Variants in PCDHGA2 observed in about 807,000 individuals in gnomAD.
PCDHGA2 encodes the protein protocadherin gamma-A2.
PCDHGA2 carries 40 observed loss-of-function variants against 59.2 expected under a neutral mutation model. The observed-to-expected ratio is 0.68, with a 90% CI of 0.52 to 0.88. The LOEUF (loss-of-function observed/expected upper bound fraction) is 0.88, where lower values mean the gene tolerates loss of function less well. Ranked by LOEUF, PCDHGA2 falls within the 40% of genes least tolerant of loss-of-function variation. PCDHGA2 has a pLI of 0.00. For synonymous variants in PCDHGA2, 560 were observed against 526.0 expected, an observed-to-expected ratio of 1.06 and a Z score of -0.89; for missense variants, 1,226 against 1,204.0, an observed-to-expected ratio of 1.02 and a Z score of -0.27.
intron 1 of PCDHGA2, among the ~76,000 whole-genome samples, chr5:141,405,721 A>G (rs1295046106): frequency 1.3e-5 from 2 of 151,702 alleles, no homozygotes; most frequent in African/African-American, 4.8e-5. Context: ...CAAGTGATCC[A>G]CCCACCTCAG....
chr5:141,501,030 A>G (rs2099805050), intron 2 of PCDHGA2, among the ~76,000 whole-genome samples: 1 of 151,848 alleles, frequency 6.6e-6, no homozygotes, highest in Admixed American at 6.6e-5. Flanking sequence ...CACCACGCCC[A>G]GCTAATTTTT....
rs753740468 is a variant in PCDHGA2, at chr5:141,339,974, G to A, written c.1003G>A (p.Val335Ile). Reference sequence around the variant, plus strand: ...CCTTCTAACCAGAGCGAAGGTTATCGTCACGGTTCTGGATGTGAATGACAA... The same window carrying A: ...CCTTCTAACCAGAGCGAAGGTTATCATCACGGTTCTGGATGTGAATGACAA... ...PGLLTRAKVI[V>I]TVLDVNDNAP... Residue 335 changes from valine (V) to isoleucine (I), a missense_variant, in exon 1 of 4, where the codon GTC (valine) becomes ATC (isoleucine). By Grantham distance (29) the Val-to-Ile change is conservative. Coordinates refer to ENST00000394576, the MANE Select transcript of PCDHGA2 (RefSeq NM_018915.4). The A allele has an allele frequency of 5.6e-5, 91 of 1,613,976 alleles. No homozygotes were observed. In the Admixed American group the frequency reaches 9.8e-4, roughly 17 times the overall value.
chr5:141,404,680 G>C, intron 1 of PCDHGA2: 1 of 1,614,160 alleles, frequency 6.2e-7, no homozygotes, highest in East Asian at 2.2e-5. Context: ...CTGGTGTGGA[G>C]CTGGCACCCC....
chr5:141,484,374 T>C (rs1261372490), intron 1 of PCDHGA2, among the ~76,000 whole-genome samples: 1 of 152,186 alleles, frequency 6.6e-6, no homozygotes, highest in Non-Finnish European at 1.5e-5. Context: ...CACTAGCAAA[T>C]GTCTGAATAA....
At chr5:141,350,585 A>C (rs759358608) in intron 1 of PCDHGA2, 3 of 1,614,056 alleles carry the variant, frequency 1.9e-6, no homozygotes, top group Non-Finnish European at 2.5e-6. Context: ...GGTCGCTGAA[A>C]ACCCAATGAA....
chr5:141,489,477 G>C lies in PCDHGA2; in HGVS notation c.2425-5330G>C, dbSNP rs2154581232. 1.9e-6 allele frequency: 3 copies of C among 1,614,108 alleles called. No homozygotes were observed. Among genetic ancestry groups the C allele is most frequent in the Non-Finnish European group, 2.5e-6 (3 of 1,180,034 alleles). ...ATGGGCGCTATTTTTCCCTGAGCTT[G>C]ATGAGTGGTGCCCTGGCAGTGAATC... is the stretch of plus-strand genomic sequence containing the variant. On this transcript the variant is annotated intron_variant, in intron 1 of 3. Coordinates refer to ENST00000394576, the MANE Select transcript of PCDHGA2 (RefSeq NM_018915.4). This position sits in a 1 kb window ranked among gnomAD's most constrained non-coding sequence, Gnocchi z 4.5.
At chr5:141,428,055 G>T in intron 1 of PCDHGA2, 1 of 1,609,070 alleles carries the variant, frequency 6.2e-7, no homozygotes, top group Non-Finnish European at 8.5e-7. Context: ...CAAGGTGGTG[G>T]CGGTGGACGC....
chr5:141,391,875 T>C (rs2092433581), intron 1 of PCDHGA2: 2 of 152,212 alleles, frequency 1.3e-5, no homozygotes, highest in Non-Finnish European at 2.9e-5. Context: ...ATCATCTCTT[T>C]GGTGAAAGGG....
chr5:141,383,800 A>C, intron 1 of PCDHGA2: 1 of 1,614,000 alleles, frequency 6.2e-7, no homozygotes, highest in Non-Finnish European at 8.5e-7. Flanking sequence ...TACAGGAGAA[A>C]TATCAACTTT....
rs757612658 is a variant in PCDHGA2 at position 141,344,717 on chromosome 5, C to T, written c.2424+3322C>T. The T allele has an allele frequency of 1.6e-5, 26 of 1,613,850 alleles. No homozygotes were observed. The East Asian group carries it at 5.8e-4, about 36-fold the overall frequency. Reference sequence around the variant, plus strand: ...CTGTCCACTCTGGCAACTTGCACATCCAAGTGATAGTCCTGGATGCAAATG... The same window carrying T: ...CTGTCCACTCTGGCAACTTGCACATTCAAGTGATAGTCCTGGATGCAAATG... On this transcript the variant is annotated intron_variant, in intron 1 of 3. Coordinates refer to ENST00000394576, the MANE Select transcript of PCDHGA2 (RefSeq NM_018915.4).
chr5:141,410,158 G>A (rs755466762), intron 1 of PCDHGA2: 1 of 1,613,398 alleles, frequency 6.2e-7, no homozygotes, highest in Admixed American at 1.7e-5. Flanking sequence ...GTGGACAGCC[G>A]CCACTCTCTG....
Position 141,511,015 on chromosome 5 carries a change from C to A in PCDHGA2, c.2641C>A (p.Pro881Thr). Residue 881 changes from proline (P) to threonine (T), a missense_variant, in exon 4 of 4, where the codon CCC becomes ACC. Coordinates refer to ENST00000394576, the MANE Select transcript of PCDHGA2 (RefSeq NM_018915.4). ...GTMGLSARYG[P>T]QFTLQHVPDY... ...CATGGGATTGAGCGCCCGCTACGGA[C>A]CCCAGTTCACCCTGCAGCACGTGCC... 6.2e-7 allele frequency: 1 copy of A among 1,614,224 alleles called. No individual in the cohort carries two copies. The highest frequency in any genetic ancestry group is 8.5e-7 in the Non-Finnish European group (1 of 1,180,038).
intron 1 of PCDHGA2, chr5:141,383,873 C>A: frequency 6.2e-7 from 1 of 1,613,928 alleles, no homozygotes; most frequent in Non-Finnish European, 8.5e-7. Flanking sequence ...CAAGATGGTC[C>A]TGGTAGTCTG....
intron 1 of PCDHGA2, among the ~76,000 whole-genome samples, chr5:141,347,992 G>C (rs1230913200): frequency 1.3e-5 from 2 of 152,202 alleles, no homozygotes; most frequent in Non-Finnish European, 2.9e-5. Context: ...AAAGGAATAT[G>C]TCTCAGCCTC....
rs200533514 is a variant in PCDHGA2 at position 141,476,315 on chromosome 5, C to T, written c.2425-18492C>T. On this transcript the variant is annotated intron_variant, in intron 1 of 3. Transcript: ENST00000394576. This position sits in a 1 kb window ranked among gnomAD's most constrained non-coding sequence, Gnocchi z 7.6. The stretch of plus-strand genomic sequence containing the variant: ...CGGTAGCCTCTCAGCCCGCAGGTTC[C>T]GGGTGGTGTCTGGAGCTAGCCGAAG... 264 of 1,613,910 alleles carry T rather than the reference C, an allele frequency of 1.6e-4. No homozygotes were observed. The highest frequency in any genetic ancestry group is 2.1e-4 in the Non-Finnish European group (248 of 1,180,024).
chr5:141,339,842 G>A lies in PCDHGA2; in HGVS notation c.871G>A (p.Val291Ile). ...LEKSPGETSE[V>I]FELKSTSGEL... Reference sequence around the variant, plus strand: ...GAAAAGCCCTGGAGAAACCTCAGAGGTATTTGAGCTTAAGTCAACATCTGG... The same window carrying A: ...GAAAAGCCCTGGAGAAACCTCAGAGATATTTGAGCTTAAGTCAACATCTGG... Residue 291 changes from valine (V) to isoleucine (I), a missense_variant, in exon 1 of 4, where the codon GTA becomes ATA. Transcript: ENST00000394576. 6.2e-7 allele frequency: 1 copy of A among 1,614,112 alleles called. No homozygotes were observed. Among genetic ancestry groups the A allele is most frequent in the Non-Finnish European group, 8.5e-7 (1 of 1,180,000 alleles).
chr5:141,496,523 G>T (rs1159517569), intron 2 of PCDHGA2, among the ~76,000 whole-genome samples: 1 of 152,128 alleles, frequency 6.6e-6, no homozygotes, highest in Non-Finnish European at 1.5e-5. Context: ...GGAGCCCTTG[G>T]TGTATGGCAG....
chr5:141,400,656 A>G (rs72790034), intron 1 of PCDHGA2: 33,230 of 1,084,006 alleles, frequency 0.031, 658 homozygotes, highest in East Asian at 0.041. Context: ...CTGTCCTACC[A>G]TTCTTTAAGA....
chr5:141,446,594 A>G (rs571957656), intron 1 of PCDHGA2, among the ~76,000 whole-genome samples: 8 of 152,136 alleles, frequency 5.3e-5, no homozygotes, highest in African/African-American at 1.9e-4. Flanking sequence ...CTTCTGCCTC[A>G]GCCTCCTGAG....
Sources: gnomAD v4.1 joint callset for allele counts (sites outside exome capture counted in the v4.1 genomes callset) on GRCh38, gnomAD v4.1.1 for gene constraint, Gnocchi (gnomAD v3.1) non-coding constraint, MANE v1.5 for transcripts, NCBI Gene and HGNC (gene_info 2026-07-23, HGNC 2026-07-21) for gene names.